TRPM3: variants seen among roughly 807,000 people sequenced by gnomAD.
TRPM3 encodes the protein transient receptor potential cation channel subfamily M member 3, also known as long transient receptor potential channel 3.
Under a neutral mutation model 181.2 loss-of-function variants are expected in TRPM3, and 77 were observed. That is an observed-to-expected ratio of 0.42 (90% CI 0.35 to 0.51). The LOEUF (loss-of-function observed/expected upper bound fraction) is 0.51, where lower values mean the gene tolerates loss of function less well. TRPM3 is among the 20% of genes least tolerant of loss of function. The probability of loss-of-function intolerance (pLI) is 0.01; values close to 1 mark genes in which losing one functional copy is unlikely to be tolerated. For synonymous variants in TRPM3, 745 were observed against 796.4 expected (o/e 0.94, Z 1.09); for missense variants, 1,759 against 2,196.7 (o/e 0.80, Z 3.98).
intron 1 of TRPM3, among the ~76,000 whole-genome samples, chr9:70,972,625 T>C (rs2097258891): frequency 6.6e-6 from 1 of 152,170 alleles, no homozygotes; most frequent in Admixed American, 6.5e-5. Flanking sequence ...GTATGTAAAT[T>C]ATAACTCAAA....
At chr9:70,786,923 G>C (rs1380802456) in intron 6 of TRPM3, among the ~76,000 whole-genome samples, 1 of 152,056 alleles carries the variant, frequency 6.6e-6, no homozygotes, top group African/African-American at 2.4e-5. Flanking sequence ...GACCAAGTGT[G>C]ATCCACTCAG....
intron 8 of TRPM3, among the ~76,000 whole-genome samples, chr9:70,741,160 T>G (rs2074003746): frequency 6.6e-6 from 1 of 151,992 alleles, no homozygotes; most frequent in Admixed American, 6.6e-5. Context: ...GACATGAATA[T>G]ACAATTCTCG....
At chr9:70,671,703 C>T (rs1351469174) in intron 9 of TRPM3, among the ~76,000 whole-genome samples, 1 of 152,160 alleles carries the variant, frequency 6.6e-6, no homozygotes, top group Non-Finnish European at 1.5e-5. Context: ...ATCCCTGGAA[C>T]ATAGATTTAT....
intron 1 of TRPM3, among the ~76,000 whole-genome samples, chr9:71,097,225 C>G (rs7027234): frequency 0.16 from 23,569 of 151,842 alleles, 2,213 homozygotes; most frequent in African/African-American, 0.27. Context: ...GTTTGTAACT[C>G]TGTCTTGTAG....
intron 14 of TRPM3, among the ~76,000 whole-genome samples, chr9:70,622,397 T>C (rs56745320): frequency 0.035 from 5,300 of 152,340 alleles, 95 homozygotes; most frequent in Middle Eastern, 0.071. Flanking sequence ...AGAGCCTCTA[T>C]TATCTGGAGA....
At position 70,571,735 on chromosome 9, in the gene TRPM3, C is replaced by T. The variant is rs2052452533; in HGVS notation, c.3224-18425G>A. On this transcript the variant is annotated intron_variant, in intron 22 of 25. Transcript: ENST00000677713. ...AGTATTATTCACAACACATGTAGGA[C>T]AGTGCTTGATATGTAGAAAGCACTA... Among the ~76,000 whole-genome samples, 4 of 152,124 alleles carry T rather than the reference C, an allele frequency of 2.6e-5. No individual in the cohort carries two copies. The South Asian group carries it at 8.3e-4, about 32-fold the overall frequency.
At position 70,529,201 on chromosome 9, in the gene TRPM3, C is replaced by T. The variant is rs577697317; in HGVS notation, c.*6752G>A. ...TCAAACTCAAAGTGCATTGTGAATC[C>T]AATAATAGACCTTTAAAAAAGAACA... On this transcript the variant is annotated 3_prime_UTR_variant, in exon 26 of 26. Transcript: ENST00000677713. The T allele has an allele frequency of 6.6e-6, 1 of 152,046 alleles. No homozygotes were observed. Among genetic ancestry groups the T allele is most frequent in the South Asian group, 2.1e-4 (1 of 4,818 alleles). 9.4% of individuals were successfully genotyped at this position (152,046 alleles called of 1,614,324 possible).
intron 21 of TRPM3, among the ~76,000 whole-genome samples, chr9:70,597,139 G>A (rs752899679): frequency 6.6e-6 from 1 of 152,026 alleles, no homozygotes; most frequent in Non-Finnish European, 1.5e-5. Context: ...CTCCATGTTG[G>A]TCAGGCTGGT....
intron 1 of TRPM3, among the ~76,000 whole-genome samples, chr9:71,060,574 C>G (rs1292190248): frequency 2.6e-5 from 4 of 152,080 alleles, no homozygotes; most frequent in Non-Finnish European, 5.9e-5. Flanking sequence ...ATGTGGAAAC[C>G]TTTTATTTAC....
chr9:70,673,803 G>C (rs1291329383), intron 9 of TRPM3, among the ~76,000 whole-genome samples: 3 of 151,838 alleles, frequency 2.0e-5, no homozygotes, highest in Non-Finnish European at 4.4e-5. Flanking sequence ...AAAAAAATTA[G>C]CTGGGCATGG....
Position 70,552,857 on chromosome 9 carries a change from C to T in TRPM3, c.3561G>A (p.Arg1187=). The T allele has an allele frequency of 6.2e-7, 1 of 1,614,006 alleles. No individual in the cohort carries two copies. The highest frequency in any genetic ancestry group is 8.5e-7 in the Non-Finnish European group (1 of 1,180,010). Reference sequence around the variant, plus strand: ...CTTGAAGCTTACTCAGGCCGTAGTCCCTTTCATCCGGGTCGCTCTCGTGTT... The same window carrying T: ...CTTGAAGCTTACTCAGGCCGTAGTCTCTTTCATCCGGGTCGCTCTCGTGTT... ...WRKHESDPDE[R]DYGLKLFITD... The change falls in exon 24 of 26, where the codon AGG becomes AGA. Residue 1187 remains arginine, a synonymous_variant. Coordinates refer to ENST00000677713, the MANE Select transcript of TRPM3 (RefSeq NM_001366145.2).
intron 1 of TRPM3, among the ~76,000 whole-genome samples, chr9:71,325,932 C>A (rs1475185288): frequency 2.0e-5 from 3 of 152,136 alleles, no homozygotes; most frequent in African/African-American, 4.8e-5. Flanking sequence ...TTCTGGGAAG[C>A]TTGGGCAGAA....
At chr9:71,009,819 C>A (rs2097717207) in intron 1 of TRPM3, among the ~76,000 whole-genome samples, 1 of 152,168 alleles carries the variant, frequency 6.6e-6, no homozygotes, top group South Asian at 2.1e-4. Flanking sequence ...TATTACCTTT[C>A]TTCCAAATAC....
chr9:70,564,081 A>G (rs769565463), intron 22 of TRPM3, among the ~76,000 whole-genome samples: 1 of 152,208 alleles, frequency 6.6e-6, no homozygotes, highest in Non-Finnish European at 1.5e-5. Flanking sequence ...AGGGGCTGTG[A>G]GAAGGGAGAG....
At chr9:70,931,393 T>C (rs2096773720) in intron 1 of TRPM3, among the ~76,000 whole-genome samples, 2 of 152,134 alleles carry the variant, frequency 1.3e-5, no homozygotes, top group Non-Finnish European at 2.9e-5. Context: ...AAGAAAATTA[T>C]CTTCAAAATT....
At chr9:70,679,269 C>T (rs2064827210) in intron 9 of TRPM3, among the ~76,000 whole-genome samples, 1 of 152,138 alleles carries the variant, frequency 6.6e-6, no homozygotes, top group African/African-American at 2.4e-5. Flanking sequence ...TTTCCAAATA[C>T]ATATGTGTAA....
intron 1 of TRPM3, among the ~76,000 whole-genome samples, chr9:71,146,194 G>C (rs1268139175): frequency 6.6e-6 from 1 of 152,060 alleles, no homozygotes; most frequent in Non-Finnish European, 1.5e-5. Flanking sequence ...TTTTTAATGT[G>C]GGTACACAAT....
upstream of TRPM3, among the ~76,000 whole-genome samples, chr9:71,124,306 GAAA>G (rs80222499): frequency 8.1e-6 from 1 of 123,918 alleles, no homozygotes. Context: ...GGTCTAATGA[GAAA>G]AAAAAAAAAA....
chr9:71,127,635 A>C (rs2074125907), intron 1 of TRPM3, among the ~76,000 whole-genome samples: 1 of 152,266 alleles, frequency 6.6e-6, no homozygotes. Context: ...TAAAGCAATT[A>C]GCACAGTGCT....
Sources: gnomAD v4.1 joint callset for allele counts (sites outside exome capture counted in the v4.1 genomes callset) on GRCh38, gnomAD v4.1.1 for gene constraint, MANE v1.5 for transcripts, NCBI Gene and HGNC (gene_info 2026-07-23, HGNC 2026-07-21) for gene names.